MED27: variants seen among roughly 807,000 people sequenced by gnomAD.
MED27 encodes the protein mediator of RNA polymerase II transcription subunit 27.
MED27 carries 30 observed loss-of-function variants against 38.2 expected under a neutral mutation model. That is an observed-to-expected ratio of 0.79 (90% CI 0.59 to 1.07). The LOEUF is 1.07. MED27 is among the 50% of genes least tolerant of loss of function. MED27 has a pLI of 0.00. For synonymous variants in MED27, 122 were observed against 153.5 expected (o/e 0.79, Z 1.52); for missense variants, 289 against 397.5 (o/e 0.73, Z 2.32).
intron 4 of MED27, among the ~76,000 whole-genome samples, chr9:131,919,699 T>C (rs1390293897): frequency 6.6e-6 from 1 of 152,154 alleles, no homozygotes; most frequent in Non-Finnish European, 1.5e-5. Flanking sequence ...ACAAAGACAC[T>C]GGCTGAGGAA....
chr9:131,874,228 C>G (rs1047668796), intron 6 of MED27, among the ~76,000 whole-genome samples: 4 of 152,232 alleles, frequency 2.6e-5, no homozygotes, highest in Non-Finnish European at 4.4e-5. Flanking sequence ...AGGCTAAGCC[C>G]TTCTCACCCC....
intron 4 of MED27, among the ~76,000 whole-genome samples, chr9:131,923,084 G>A (rs916657943): frequency 2.0e-5 from 3 of 152,200 alleles, no homozygotes; most frequent in Admixed American, 6.5e-5. Context: ...TGATAGTTGT[G>A]CTCACTGTTG....
intron 2 of MED27, among the ~76,000 whole-genome samples, chr9:132,061,680 G>C (rs531994607): frequency 2.0e-4 from 30 of 152,170 alleles, no homozygotes; most frequent in Non-Finnish European, 4.1e-4. Flanking sequence ...GCAGCAGCAG[G>C]GCTGGCACCC....
At chr9:132,033,595 C>T (rs184191113) in intron 2 of MED27, among the ~76,000 whole-genome samples, 2 of 152,338 alleles carry the variant, frequency 1.3e-5, no homozygotes, top group East Asian at 3.9e-4. Context: ...TCAGCACATA[C>T]ATTTGTGTAT....
At chr9:131,969,187 A>C (rs1258442542) in intron 3 of MED27, among the ~76,000 whole-genome samples, 13 of 129,180 alleles carry the variant, frequency 1.0e-4, no homozygotes, top group Non-Finnish European at 3.3e-5. Context: ...TGCCCCCCAC[A>C]CCTTCTGTCC....
intron 6 of MED27, among the ~76,000 whole-genome samples, chr9:131,863,978 C>G (rs567370754): frequency 1.3e-5 from 2 of 152,204 alleles, no homozygotes; most frequent in Non-Finnish European, 2.9e-5. Flanking sequence ...AGCTCCTTAT[C>G]CTCTCTGCGT....
intron 2 of MED27, among the ~76,000 whole-genome samples, chr9:132,032,852 G>A (rs578082451): frequency 1.7e-4 from 26 of 152,196 alleles, no homozygotes; most frequent in African/African-American, 4.6e-4. Flanking sequence ...ACCTAGTCCC[G>A]CGCTCCACAC....
chr9:131,979,831 ATGGCTGGCTGGC>A (rs71374157), intron 3 of MED27, among the ~76,000 whole-genome samples: 23 of 150,514 alleles, frequency 1.5e-4, no homozygotes, highest in East Asian at 1.4e-3. Flanking sequence ...TGAAAACAAG[ATGGCTGGCTGGC>A]TGGCTGGCTG....
chr9:132,006,090 G>T (rs961107617), intron 3 of MED27, among the ~76,000 whole-genome samples: 4 of 152,150 alleles, frequency 2.6e-5, no homozygotes, highest in Non-Finnish European at 1.5e-5. Flanking sequence ...GCCAGTAGGG[G>T]AAAGAATGAC....
intron 4 of MED27, among the ~76,000 whole-genome samples, chr9:131,896,976 C>T (rs773338036): frequency 2.0e-4 from 31 of 152,242 alleles, no homozygotes; most frequent in Middle Eastern, 3.4e-3. Context: ...ATGGTCCGCC[C>T]GCCTTGGCCT....
intron 4 of MED27, among the ~76,000 whole-genome samples, chr9:131,906,579 T>C (rs1048905383): frequency 6.6e-6 from 1 of 152,206 alleles, no homozygotes; most frequent in African/African-American, 2.4e-5. Context: ...GTGGCATGTC[T>C]GATGTGTGCT....
At chr9:131,918,649 C>A (rs917618604) in intron 4 of MED27, among the ~76,000 whole-genome samples, 5 of 151,326 alleles carry the variant, frequency 3.3e-5, no homozygotes, top group Non-Finnish European at 7.4e-5. Context: ...ATTTTTTTTT[C>A]AAGCTGCTCC....
chr9:132,030,920 G>C (rs1445315270), intron 2 of MED27, among the ~76,000 whole-genome samples: 1 of 152,232 alleles, frequency 6.6e-6, no homozygotes, highest in Non-Finnish European at 1.5e-5. Context: ...CAGAAGACAG[G>C]AAGTAAGTGG....
chr9:132,066,762 G>A lies in MED27; in HGVS notation c.348+10680C>T, dbSNP rs545494214. ...AAACAGATGCCCCAGCTCCCCTCCC[G>A]CACACAGGCCAGAAGTCCTGAGCCA... On this transcript the variant is annotated intron_variant, in intron 2 of 7. Transcript: ENST00000292035. 2.2e-3 allele frequency among the ~76,000 whole-genome samples: 331 copies of A among 152,316 alleles called. 2 individuals carry two copies. The highest frequency in any genetic ancestry group is 3.7e-3 in the Non-Finnish European group (254 of 68,022).
chr9:132,033,241 G>A (rs150115152), intron 2 of MED27, among the ~76,000 whole-genome samples: 1 of 152,270 alleles, frequency 6.6e-6, no homozygotes, highest in East Asian at 1.9e-4. Flanking sequence ...GGTTAACAAT[G>A]TTTAAGAAAA....
intron 2 of MED27, among the ~76,000 whole-genome samples, chr9:132,052,285 GACATTTAATCTGCAA>G (rs1202620251): frequency 5.3e-5 from 8 of 152,146 alleles, no homozygotes; most frequent in Non-Finnish European, 1.0e-4. Context: ...GACAAAAGCA[GACATTTAATCTGCAA>G]ACAGTCCCTA....
chr9:131,860,348 T>A lies in MED27; in HGVS notation c.*190A>T. On this transcript the variant is annotated 3_prime_UTR_variant, in exon 8 of 8. Coordinates refer to ENST00000292035, the MANE Select transcript of MED27 (RefSeq NM_004269.4). The surrounding 1 kb of genome is among the most constrained non-coding windows in gnomAD (Gnocchi z 5.8). ...CCTTCAGTCCGCTGGCTAGTGGGAA[T>A]AATTAGTCCCATCAGCCACAGAGGG... 1 of 586,794 alleles carries A rather than the reference T, an allele frequency of 1.7e-6. No homozygotes were observed. The highest frequency in any genetic ancestry group is 2.7e-6 in the Non-Finnish European group (1 of 369,566). The allele number at this position is 586,794 out of a possible 1,614,324, so 36.3% of individuals were successfully genotyped here.
At chr9:132,052,345 A>AT (rs1203292408) in intron 2 of MED27, among the ~76,000 whole-genome samples, 1 of 152,274 alleles carries the variant, frequency 6.6e-6, no homozygotes, top group Non-Finnish European at 1.5e-5. Context: ...AAATCCACGC[A>AT]GTAGTGATCT....
chr9:131,966,034 TC>T (rs1287433636), intron 3 of MED27, among the ~76,000 whole-genome samples: 1 of 149,644 alleles, frequency 6.7e-6, no homozygotes, highest in Non-Finnish European at 1.5e-5. Context: ...AGAGAGGACT[TC>T]CACCTTGCAG....
Sources: gnomAD v4.1 joint callset for allele counts (sites outside exome capture counted in the v4.1 genomes callset) on GRCh38, gnomAD v4.1.1 for gene constraint, Gnocchi (gnomAD v3.1) non-coding constraint, MANE v1.5 for transcripts, NCBI Gene and HGNC (gene_info 2026-07-23, HGNC 2026-07-21) for gene names.